The following THSD7A variants were observed in gnomAD, a reference collection of about 807,000 sequenced individuals.
THSD7A encodes thrombospondin type-1 domain-containing protein 7A.
In THSD7A, 96 loss-of-function variants were observed where a neutral mutation model predicts 231.3. The observed-to-expected ratio is 0.41, with a 90% CI of 0.35 to 0.49. The LOEUF is 0.49. Among genes scored for constraint, THSD7A ranks in the 20% least tolerant of loss-of-function variants. The probability of loss-of-function intolerance (pLI) is 0.05; values close to 1 mark genes in which losing one functional copy is unlikely to be tolerated. For missense variants in THSD7A, 2,290 were observed against 2,070.2 expected (o/e 1.11, Z -2.06); for synonymous variants, 940 against 743.3 (o/e 1.26, Z -4.30).
At chr7:11,383,517 A>C (rs904368860) in intron 23 of THSD7A, among the ~76,000 whole-genome samples, 10 of 151,822 alleles carry the variant, frequency 6.6e-5, no homozygotes, top group African/African-American at 2.4e-4. Context: ...AATATTGCCC[A>C]TTTTTTTCCT....
intron 6 of THSD7A, among the ~76,000 whole-genome samples, chr7:11,503,359 T>A (rs1787416667): frequency 6.6e-6 from 1 of 152,142 alleles, no homozygotes; most frequent in African/African-American, 2.4e-5. Context: ...ATAAAAACCC[T>A]GGAAGACAAC....
chr7:11,460,893 C>T, intron 10 of THSD7A, 128 bp from the exon 11 acceptor site: 1 of 659,404 alleles, frequency 1.5e-6, no homozygotes. Context: ...TCAGTTCTAT[C>T]TAAATTTAAT....
intron 13 of THSD7A, among the ~76,000 whole-genome samples, chr7:11,430,259 A>AGTAT (rs775224233): frequency 6.6e-5 from 10 of 152,188 alleles, no homozygotes; most frequent in Non-Finnish European, 1.2e-4. Flanking sequence ...TTTGGTTTTC[A>AGTAT]GTATGTTTGC....
At chr7:11,552,766 C>G (rs944410935) in intron 4 of THSD7A, among the ~76,000 whole-genome samples, 9 of 152,046 alleles carry the variant, frequency 5.9e-5, no homozygotes, top group Non-Finnish European at 7.4e-5. Context: ...AAGGAACAGA[C>G]AAGATGGTAC....
chr7:11,568,628 A>C (rs1790473869), intron 4 of THSD7A, among the ~76,000 whole-genome samples: 1 of 84,692 alleles, frequency 1.2e-5, no homozygotes, highest in Non-Finnish European at 2.2e-5. Flanking sequence ...CCGTCTCAAA[A>C]AAAAAAAAAA....
chr7:11,709,164 G>A (rs781523029), intron 1 of THSD7A, among the ~76,000 whole-genome samples: 1 of 150,642 alleles, frequency 6.6e-6, no homozygotes, highest in Non-Finnish European at 1.5e-5. Context: ...AGTTTTTTCT[G>A]AATATTTAGG....
chr7:11,485,048 G>A lies in THSD7A; in HGVS notation c.1823-3066C>T, dbSNP rs10241615. 7.2e-3 allele frequency among the ~76,000 whole-genome samples: 1,082 copies of A among 151,210 alleles called. 19 individuals carry two copies. Among genetic ancestry groups the A allele is most frequent in the African/African-American group, 0.025 (1,024 of 41,238 alleles). On this transcript the variant is annotated intron_variant, in intron 6 of 27. Coordinates refer to ENST00000423059, the MANE Select transcript of THSD7A (RefSeq NM_015204.3). Reference sequence around the variant, plus strand: ...TGGGACTACAGGCATGCACCACCATGCCCGGCTCATTTTTGTATTTTTAGC... The same window carrying A: ...TGGGACTACAGGCATGCACCACCATACCCGGCTCATTTTTGTATTTTTAGC...
At chr7:11,599,184 G>A (rs1239841865) in intron 2 of THSD7A, among the ~76,000 whole-genome samples, 2 of 152,194 alleles carry the variant, frequency 1.3e-5, no homozygotes, top group African/African-American at 2.4e-5. Context: ...GCGTCTCTTA[G>A]TATTACCATG....
In THSD7A at chr7:11,831,675, C is replaced by T. The variant is rs1159241625; in HGVS notation, c.190+82G>A. On this transcript the variant is annotated intron_variant, in intron 1 of 27. Coordinates refer to ENST00000423059, the MANE Select transcript of THSD7A (RefSeq NM_015204.3). The surrounding 1 kb of genome is among the most constrained non-coding windows in gnomAD (Gnocchi z 5.0). ...GCATAACCAAGCCATCCAAAAGCAC[C>T]GGGGTCCCTACAGAAGCCCACCAGC... 5 of 1,073,248 alleles carry T rather than the reference C, an allele frequency of 4.7e-6. No homozygotes were observed. The highest frequency in any genetic ancestry group is 3.3e-5 in the East Asian group (1 of 30,308). 66.5% of individuals were successfully genotyped at this position (1,073,248 alleles called of 1,614,324 possible).
chr7:11,478,480 A>G (rs1361317976), intron 7 of THSD7A, among the ~76,000 whole-genome samples: 1 of 152,036 alleles, frequency 6.6e-6, no homozygotes, highest in Non-Finnish European at 1.5e-5. Context: ...TCACCAACAG[A>G]CCTCCTATCT....
chr7:11,727,529 C>G (rs1057443564), intron 1 of THSD7A, among the ~76,000 whole-genome samples: 2 of 151,906 alleles, frequency 1.3e-5, no homozygotes, highest in African/African-American at 2.4e-5. Context: ...TACTCTTTCT[C>G]AAAATTCATT....
At chr7:11,679,585 C>G (rs1783785504) in intron 1 of THSD7A, among the ~76,000 whole-genome samples, 2 of 152,094 alleles carry the variant, frequency 1.3e-5, no homozygotes, top group Admixed American at 6.6e-5. Context: ...TAAGCAAACT[C>G]CCATTCACAA....
chr7:11,428,380 T>C (rs1784384361), intron 14 of THSD7A, among the ~76,000 whole-genome samples: 1 of 152,162 alleles, frequency 6.6e-6, no homozygotes, highest in South Asian at 2.1e-4. Context: ...AAAGAATGCA[T>C]CAAAAGTCAG....
intron 11 of THSD7A, among the ~76,000 whole-genome samples, chr7:11,452,027 T>G (rs1785163196): frequency 6.6e-6 from 1 of 152,010 alleles, no homozygotes; most frequent in African/African-American, 2.4e-5. Context: ...CTTAGTGCAG[T>G]GAAAGCTGTT....
rs533668234 is a variant in THSD7A, at chr7:11,375,450, C to T, written c.*344G>A. ...AAGTTTTATGGATTAACACTGCAGA[C>T]GGTCTTGTATCAGGCATCCTAACTG... On this transcript the variant is annotated 3_prime_UTR_variant, in exon 28 of 28. Coordinates refer to ENST00000423059, the MANE Select transcript of THSD7A (RefSeq NM_015204.3). 64 of 181,308 alleles carry T rather than the reference C, an allele frequency of 3.5e-4. No homozygotes were observed. Among genetic ancestry groups the T allele is most frequent in the Non-Finnish European group, 6.8e-4 (59 of 87,166 alleles). 11.2% of individuals were successfully genotyped at this position (181,308 alleles called of 1,614,324 possible). A position where few individuals can be genotyped will look rare whatever the true frequency, so the allele number is the denominator to read the frequency against.
intron 1 of THSD7A, among the ~76,000 whole-genome samples, chr7:11,816,864 T>C (rs1218878042): frequency 2.6e-5 from 4 of 152,194 alleles, no homozygotes; most frequent in African/African-American, 9.6e-5. Context: ...AATTAAGCCA[T>C]ATATGATTGC....
intron 11 of THSD7A, among the ~76,000 whole-genome samples, chr7:11,455,249 G>A (rs1202815239): frequency 6.6e-6 from 1 of 152,038 alleles, no homozygotes; most frequent in African/African-American, 2.4e-5. Flanking sequence ...ACATGCACCA[G>A]AACTGTGAGA....
At chr7:11,475,869 G>T (rs1008583455) in intron 7 of THSD7A, among the ~76,000 whole-genome samples, 1 of 147,320 alleles carries the variant, frequency 6.8e-6, no homozygotes, top group Non-Finnish European at 1.5e-5. Flanking sequence ...CAGGTGCAAA[G>T]ACATTAATAT....
chr7:11,722,513 G>T (rs1781392066), intron 1 of THSD7A, among the ~76,000 whole-genome samples: 1 of 151,728 alleles, frequency 6.6e-6, no homozygotes, highest in Non-Finnish European at 1.5e-5. Context: ...CTGGTCCTGT[G>T]GCCCCCACCC....
Sources: allele counts gnomAD v4.1 joint callset (sites outside exome capture counted in the v4.1 genomes callset), GRCh38; gene constraint gnomAD v4.1.1; non-coding constraint Gnocchi (gnomAD v3.1); transcripts MANE v1.5; gene names NCBI Gene and HGNC (gene_info 2026-07-23, HGNC 2026-07-21).